NRXN3: variants seen among roughly 807,000 people sequenced by gnomAD.
NRXN3 encodes the protein neurexin III.
Under a neutral mutation model 137.6 loss-of-function variants are expected in NRXN3, and 32 were observed. That is an observed-to-expected ratio of 0.23 (90% CI 0.18 to 0.31). The LOEUF is 0.31. Among genes scored for constraint, NRXN3 ranks in the 10% least tolerant of loss-of-function variants. The probability of loss-of-function intolerance (pLI) is 1.00; values close to 1 mark genes in which losing one functional copy is unlikely to be tolerated. For synonymous variants in NRXN3, 798 were observed against 784.5 expected, an observed-to-expected ratio of 1.02 and a Z score of -0.29; for missense variants, 1,574 against 2,062.5, an observed-to-expected ratio of 0.76 and a Z score of 4.59.
intron 4 of NRXN3, among the ~76,000 whole-genome samples, chr14:78,341,772 A>G (rs2082172307): frequency 6.6e-6 from 1 of 152,196 alleles, no homozygotes. Context: ...CAGATCTTCA[A>G]CTAATATTTG....
intron 1 of NRXN3, among the ~76,000 whole-genome samples, chr14:78,193,253 A>T (rs775404939): frequency 6.6e-6 from 1 of 152,164 alleles, no homozygotes; most frequent in African/African-American, 2.4e-5. Flanking sequence ...TTAACCCCTC[A>T]TTCTGGAAAT....
At chr14:79,027,668 A>T (rs2099600868) in intron 15 of NRXN3, among the ~76,000 whole-genome samples, 1 of 152,178 alleles carries the variant, frequency 6.6e-6, no homozygotes, top group Admixed American at 6.6e-5. Context: ...CAGATTAACT[A>T]CATAGACAGG....
chr14:78,946,585 C>T (rs2099365723), intron 10 of NRXN3, among the ~76,000 whole-genome samples: 1 of 152,150 alleles, frequency 6.6e-6, no homozygotes, highest in Non-Finnish European at 1.5e-5. Context: ...TTTATACAGT[C>T]TGAAAGTGGG....
intron 4 of NRXN3, among the ~76,000 whole-genome samples, chr14:78,534,459 A>G (rs1285757019): frequency 6.6e-6 from 1 of 152,220 alleles, no homozygotes; most frequent in East Asian, 1.9e-4. Context: ...AGAAAGTGGA[A>G]TGAGTGTGCA....
At chr14:78,410,159 G>A (rs1457990365) in intron 4 of NRXN3, among the ~76,000 whole-genome samples, 1 of 152,216 alleles carries the variant, frequency 6.6e-6, no homozygotes, top group Non-Finnish European at 1.5e-5. Flanking sequence ...CAGTAACTGT[G>A]CCCATGGAAA....
At chr14:78,438,151 T>C (rs2094133349) in intron 4 of NRXN3, among the ~76,000 whole-genome samples, 1 of 152,114 alleles carries the variant, frequency 6.6e-6, no homozygotes, top group Non-Finnish European at 1.5e-5. Context: ...GGAAAATTAA[T>C]TGAGAATCAA....
intron 3 of NRXN3, among the ~76,000 whole-genome samples, chr14:78,293,286 A>G (rs746537262): frequency 1.8e-4 from 27 of 152,016 alleles, no homozygotes; most frequent in Non-Finnish European, 3.5e-4. Flanking sequence ...CCTCTCATCT[A>G]TGAATGGGGT....
chr14:78,603,949 T>G lies in NRXN3; in HGVS notation c.758-41171T>G, dbSNP rs371021536. ...CGTTCTTATGCTGCTAATAAAGACA[T>G]ACCCGAGACTGAGTAATTTATAAAG... is the stretch of plus-strand genomic sequence containing the variant. On this transcript the variant is annotated intron_variant, in intron 4 of 20. Transcript: ENST00000335750. Among the ~76,000 whole-genome samples, 4 of 152,264 alleles carry G rather than the reference T, an allele frequency of 2.6e-5. No individual in the cohort carries two copies. The South Asian group carries it at 8.3e-4, about 32-fold the overall frequency.
chr14:79,745,115 G>C (rs372637266), intron 19 of NRXN3, among the ~76,000 whole-genome samples: 2 of 151,982 alleles, frequency 1.3e-5, no homozygotes, highest in African/African-American at 4.8e-5. Flanking sequence ...GCAGAACTAG[G>C]GGAGAAATTA....
chr14:79,082,417 G>GTGTGTT (rs2047233743), intron 15 of NRXN3, among the ~76,000 whole-genome samples: 1 of 151,962 alleles, frequency 6.6e-6, no homozygotes, highest in Admixed American at 6.6e-5. Context: ...GTGTGTGTGT[G>GTGTGTT]TGTAGACACA....
At chr14:78,564,644 G>C (rs957651658) in intron 4 of NRXN3, among the ~76,000 whole-genome samples, 3 of 152,170 alleles carry the variant, frequency 2.0e-5, no homozygotes, top group African/African-American at 7.2e-5. Context: ...GCCTGGTAAT[G>C]AAGGTCCTTC....
chr14:78,687,592 G>A (rs942335052), intron 6 of NRXN3, among the ~76,000 whole-genome samples: 8 of 152,158 alleles, frequency 5.3e-5, no homozygotes, highest in Non-Finnish European at 1.2e-4. Flanking sequence ...CACAAAAGAG[G>A]TTTATTTCTC....
intron 19 of NRXN3, among the ~76,000 whole-genome samples, chr14:79,758,831 CT>C (rs983837452): frequency 4.6e-5 from 7 of 152,120 alleles, no homozygotes; most frequent in African/African-American, 1.7e-4. Context: ...ATTCAAAAAC[CT>C]TTTTACCTCT....
intron 19 of NRXN3, among the ~76,000 whole-genome samples, chr14:79,796,599 G>A (rs1032940358): frequency 6.6e-6 from 1 of 152,108 alleles, no homozygotes; most frequent in African/African-American, 2.4e-5. Context: ...AGAAATAAAG[G>A]ATCCCAATCC....
intron 4 of NRXN3, among the ~76,000 whole-genome samples, chr14:78,628,512 A>G (rs371023293): frequency 3.3e-5 from 5 of 152,334 alleles, no homozygotes; most frequent in African/African-American, 7.2e-5. Flanking sequence ...AGTGTTCTCA[A>G]TAAAGGTTTG....
At chr14:78,464,299 G>A (rs559517830) in intron 4 of NRXN3, among the ~76,000 whole-genome samples, 19 of 152,240 alleles carry the variant, frequency 1.2e-4, no homozygotes, top group African/African-American at 4.1e-4. Context: ...CAGGTGATCC[G>A]CCTGTCTCGG....
intron 19 of NRXN3, among the ~76,000 whole-genome samples, chr14:79,772,995 G>T (rs2099084008): frequency 6.6e-6 from 1 of 152,060 alleles, no homozygotes; most frequent in South Asian, 2.1e-4. Context: ...CTCAAAAGAA[G>T]ACATTTATGC....
chr14:79,631,705 T>C (rs1175822612), intron 16 of NRXN3, among the ~76,000 whole-genome samples: 2 of 151,090 alleles, frequency 1.3e-5, no homozygotes, highest in Non-Finnish European at 2.9e-5. Context: ...TAAAGGTTTG[T>C]AAACACCCAA....
chr14:79,634,792 AC>A (rs2098390424), intron 16 of NRXN3, among the ~76,000 whole-genome samples: 1 of 152,096 alleles, frequency 6.6e-6, no homozygotes, highest in Non-Finnish European at 1.5e-5. Flanking sequence ...AAGAAGAGGA[AC>A]CTACTGACCA....
Sources: gnomAD v4.1 joint callset for allele counts (sites outside exome capture counted in the v4.1 genomes callset) on GRCh38, gnomAD v4.1.1 for gene constraint, MANE v1.5 for transcripts, NCBI Gene and HGNC (gene_info 2026-07-23, HGNC 2026-07-21) for gene names.